The following ATP9A variants were observed in gnomAD, a reference collection of about 807,000 sequenced individuals.
ATP9A encodes probable phospholipid-transporting ATPase IIA.
ATP9A carries 52 observed loss-of-function variants against 144.1 expected under a neutral mutation model. The observed-to-expected ratio is 0.36, with a 90% confidence interval of 0.29 to 0.45. ATP9A has a LOEUF of 0.45. Among genes scored for constraint, ATP9A ranks in the 20% least tolerant of loss-of-function variants. The pLI, the probability that ATP9A is intolerant of heterozygous loss-of-function variation, is 1.00. For missense variants in ATP9A, 947 were observed against 1,392.7 expected, an observed-to-expected ratio of 0.68 and a Z score of 5.09; for synonymous variants, 582 against 557.4, an observed-to-expected ratio of 1.04 and a Z score of -0.62.
Position 51,620,863 on chromosome 20 carries a change from C to G in ATP9A, c.2115+1211G>C, listed in dbSNP as rs528238559. 1.0e-3 allele frequency among the ~76,000 whole-genome samples: 158 copies of G among 152,142 alleles called. 1 individual carries two copies. The highest frequency in any genetic ancestry group is 1.5e-3 in the Non-Finnish European group (100 of 67,970). Reference sequence around the variant, plus strand: ...CAGGCAGCTAAAATTTTAAGCCACTCTAGGCCAGGCGCGGTGGCTCACGCC... The same window carrying G: ...CAGGCAGCTAAAATTTTAAGCCACTGTAGGCCAGGCGCGGTGGCTCACGCC... On this transcript the variant is annotated intron_variant, in intron 19 of 27. Transcript: ENST00000338821.
chr20:51,672,163 GGGCTTATTTTTCT>G (rs2077459030), intron 11 of ATP9A, among the ~76,000 whole-genome samples: 1 of 152,058 alleles, frequency 6.6e-6, no homozygotes, highest in Non-Finnish European at 1.5e-5. Context: ...ACTTTTGGGG[GGGCTTATTTTTCT>G]GGCTTATTTT....
intron 3 of ATP9A, among the ~76,000 whole-genome samples, chr20:51,721,194 T>C (rs887571266): frequency 2.6e-5 from 4 of 152,242 alleles, no homozygotes; most frequent in African/African-American, 4.8e-5. Flanking sequence ...TCTGGCTTCC[T>C]CCACTCCACA....
At chr20:51,731,294 G>A (rs998931044) in intron 1 of ATP9A, among the ~76,000 whole-genome samples, 2 of 151,304 alleles carry the variant, frequency 1.3e-5, no homozygotes, top group African/African-American at 2.4e-5. Context: ...GCGAGACTCC[G>A]TCTCAAATAA....
Position 51,618,740 on chromosome 20 carries a change from A to T in ATP9A, c.2272T>A (p.Cys758Ser). The change falls in exon 21 of 28, where the codon TGC becomes AGC. Residue 758 changes from cysteine to serine, a missense_variant. Transcript: ENST00000338821. The stretch of plus-strand genomic sequence containing the variant: ...GCCTTCTGGGTGGGGGCACATCGGC[A>T]GCAGACTACGGCCGGGCACTGGCAG... ...LACQCPAVVCCRCAPTQKAQI... is the reference protein window; with the variant it reads ...LACQCPAVVCSRCAPTQKAQI... The T allele has an allele frequency of 6.2e-7, 1 of 1,612,036 alleles. No individual in the cohort carries two copies.
intron 25 of ATP9A, among the ~76,000 whole-genome samples, chr20:51,608,156 G>A (rs1051962074): frequency 2.0e-5 from 3 of 151,816 alleles, no homozygotes; most frequent in African/African-American, 4.8e-5. Flanking sequence ...CTAGGCACAC[G>A]CCACCACACA....
At position 51,617,432 on chromosome 20, in the gene ATP9A, G is replaced by A. The variant is rs2077207702; in HGVS notation, c.2415+58C>T. 2.0e-6 allele frequency: 3 copies of A among 1,533,632 alleles called. No individual in the cohort carries two copies. The East Asian group carries it at 7.2e-5, about 37-fold the overall frequency. On this transcript the variant is annotated intron_variant, in intron 22 of 27. Transcript: ENST00000338821. ...AGAAGGCTTAAAGCTGTGTCTTTGA[G>A]GGAAAAAGAACCAAGAAACTACAGC...
intron 14 of ATP9A, among the ~76,000 whole-genome samples, chr20:51,641,506 G>C (rs1205875637): frequency 6.6e-6 from 1 of 151,590 alleles, no homozygotes. Context: ...CACAGAGTAA[G>C]ACCCTGTCTC....
intron 8 of ATP9A, 34 bp from the exon 9 acceptor site, chr20:51,689,173 C>T (rs187684128): frequency 6.3e-6 from 10 of 1,599,832 alleles, no homozygotes; most frequent in East Asian, 2.2e-5. Flanking sequence ...CGTTCACCCC[C>T]CAAAGCTTCC....
intron 17 of ATP9A, 59 bp from the exon 18 acceptor site, chr20:51,625,421 G>C: frequency 6.4e-7 from 1 of 1,552,018 alleles, no homozygotes; most frequent in Middle Eastern, 1.9e-4. Flanking sequence ...AGGCTGACTG[G>C]CCAGTGCCAA....
intron 1 of ATP9A, among the ~76,000 whole-genome samples, chr20:51,761,379 T>C (rs1023288936): frequency 1.3e-5 from 2 of 152,116 alleles, no homozygotes; most frequent in Non-Finnish European, 2.9e-5. Flanking sequence ...GTCCCCTTTG[T>C]GGGATGGAAA....
chr20:51,606,784 G>A lies in ATP9A; in HGVS notation c.2803+743C>T, dbSNP rs1227681955. Among the ~76,000 whole-genome samples, 3 of 152,206 alleles carry A rather than the reference G, an allele frequency of 2.0e-5. No individual in the cohort carries two copies. In the East Asian group the frequency reaches 5.8e-4, roughly 29 times the overall value. The stretch of plus-strand genomic sequence containing the variant: ...GTCCCAGACTCAGAAGGCTGAGGTA[G>A]GGGGATCACCTGAGCCTGGGGAGGT... On this transcript the variant is annotated intron_variant, in intron 26 of 27. Coordinates refer to ENST00000338821, the MANE Select transcript of ATP9A (RefSeq NM_006045.3).
Position 51,625,436 on chromosome 20 carries a change from G to T in ATP9A, c.1846-74C>A, listed in dbSNP as rs973079959. ...AGGCTGACTGGCCAGTGCCAAGAGTGGAAGGGCCACACCCGATCCCCACCA... is the reference window on the plus strand; with the variant it reads ...AGGCTGACTGGCCAGTGCCAAGAGTTGAAGGGCCACACCCGATCCCCACCA... On this transcript the variant is annotated intron_variant, in intron 17 of 27. Coordinates refer to ENST00000338821, the MANE Select transcript of ATP9A (RefSeq NM_006045.3). The T allele has an allele frequency of 4.6e-6, 7 of 1,516,160 alleles. No individual in the cohort carries two copies. In the African/African-American group the frequency reaches 8.2e-5, roughly 18 times the overall value. The allele number at this position is 1,516,160 out of a possible 1,614,324, so 93.9% of individuals were successfully genotyped here.
At chr20:51,646,386 G>A (rs187186750) in intron 14 of ATP9A, among the ~76,000 whole-genome samples, 1 of 152,152 alleles carries the variant, frequency 6.6e-6, no homozygotes, top group Non-Finnish European at 1.5e-5. Flanking sequence ...TGATAAAAGG[G>A]GTTATTTGGT....
intron 3 of ATP9A, among the ~76,000 whole-genome samples, chr20:51,719,748 G>C (rs917037516): frequency 2.2e-5 from 2 of 92,160 alleles, no homozygotes; most frequent in South Asian, 3.4e-4. Context: ...AAAAAAAAGG[G>C]GGGGGAAGAA....
At chr20:51,740,462 C>A (rs1466716605) in intron 1 of ATP9A, among the ~76,000 whole-genome samples, 1 of 17,716 alleles carries the variant, frequency 5.6e-5, no homozygotes, top group Admixed American at 5.5e-4. Context: ...GTATTCCCAG[C>A]ACTTTGGGAG....
intron 1 of ATP9A, among the ~76,000 whole-genome samples, chr20:51,731,029 G>C (rs62226747): frequency 0.067 from 10,261 of 152,068 alleles, 789 homozygotes; most frequent in African/African-American, 0.19. Context: ...TTTTTAGCCA[G>C]GCACGGTGGC....
intron 19 of ATP9A, among the ~76,000 whole-genome samples, chr20:51,620,973 C>T (rs1428075143): frequency 6.6e-6 from 1 of 151,784 alleles, no homozygotes; most frequent in African/African-American, 2.4e-5. Context: ...AATGGTGAAA[C>T]CCGTCTCTAC....
chr20:51,663,107 T>C (rs917715856), intron 13 of ATP9A, among the ~76,000 whole-genome samples: 5 of 152,094 alleles, frequency 3.3e-5, no homozygotes, highest in Non-Finnish European at 7.4e-5. Context: ...ATACTTAAGA[T>C]CCAGACCCAA....
intron 3 of ATP9A, among the ~76,000 whole-genome samples, chr20:51,717,949 CAAA>C (rs1478090701): frequency 8.8e-6 from 1 of 114,050 alleles, no homozygotes; most frequent in Non-Finnish European, 1.9e-5. Context: ...GACTCCGTCT[CAAA>C]AAAAAAAAAA....
Sources: gnomAD v4.1 joint callset for allele counts (sites outside exome capture counted in the v4.1 genomes callset) on GRCh38, gnomAD v4.1.1 for gene constraint, MANE v1.5 for transcripts, NCBI Gene and HGNC (gene_info 2026-07-23, HGNC 2026-07-21) for gene names.